Variants in TRMT9B observed in about 807,000 individuals in gnomAD.
The protein encoded by TRMT9B is probable tRNA methyltransferase 9B.
In TRMT9B, 16 loss-of-function variants were observed where a neutral mutation model predicts 11.5. The observed-to-expected ratio is 1.39, with a 90% CI of 0.94 to 2.11. The LOEUF (loss-of-function observed/expected upper bound fraction) is 2.11. Ranked by LOEUF, TRMT9B falls within the 30% of genes most tolerant of loss-of-function variation. TRMT9B has a pLI of 0.00. For synonymous variants in TRMT9B, 274 were observed against 192.4 expected (o/e 1.42, Z -3.51); for missense variants, 941 against 553.8 (o/e 1.70, Z -7.02).
chr8:12,985,194 G>T (rs955266751), intron 1 of TRMT9B, among the ~76,000 whole-genome samples: 2 of 152,116 alleles, frequency 1.3e-5, no homozygotes, highest in African/African-American at 4.8e-5. Context: ...CTTTCATCAT[G>T]TTTATCGGGG....
intron 1 of TRMT9B, among the ~76,000 whole-genome samples, chr8:12,954,949 A>C (rs1428981361): frequency 6.6e-6 from 1 of 152,198 alleles, no homozygotes; most frequent in African/African-American, 2.4e-5. Context: ...ACACCTCCCC[A>C]GGTGGCTGTG....
rs1277762257 is a variant in TRMT9B, at chr8:13,029,533, AG to A, written c.*7491del. On this transcript the variant is annotated 3_prime_UTR_variant, in exon 5 of 5. Transcript: ENST00000524591. ...CAGTGTATTTTTAAAAAGTGTTCCC[AG>A]GTGAACAAAAGTTTGCTTTTCTTCA... 6.0e-6 allele frequency: 1 copy of A among 166,894 alleles called. No individual in the cohort carries two copies. Among genetic ancestry groups the A allele is most frequent in the African/African-American group, 2.4e-5 (1 of 41,448 alleles). The allele number at this position is 166,894 out of a possible 1,614,324, so 10.3% of individuals were successfully genotyped here.
intron 2 of TRMT9B, among the ~76,000 whole-genome samples, chr8:13,003,071 G>A (rs1485683382): frequency 2.6e-5 from 4 of 152,026 alleles, no homozygotes; most frequent in Non-Finnish European, 1.5e-5. Flanking sequence ...CCTAAGTGCT[G>A]GGGACTCAGT....
At chr8:13,001,209 C>T (rs1360640066) in intron 2 of TRMT9B, among the ~76,000 whole-genome samples, 2 of 152,214 alleles carry the variant, frequency 1.3e-5, no homozygotes, top group Non-Finnish European at 2.9e-5. Flanking sequence ...CAACCAACCA[C>T]TTGTGGTCAT....
At position 12,955,417 on chromosome 8, in the gene TRMT9B, C is replaced by T. The variant is rs374654256; in HGVS notation, c.-200+9451C>T. The stretch of plus-strand genomic sequence containing the variant: ...TGTTTTTATTCTCTTTGCCTTTCCC[C>T]GTTCCCTCCTATCCTCCCTTCTTTT... On this transcript the variant is annotated intron_variant, in intron 1 of 4. Coordinates refer to ENST00000524591, the MANE Select transcript of TRMT9B (RefSeq NM_020844.3). Among the ~76,000 whole-genome samples the T allele has an allele frequency of 1.8e-4, 28 of 152,174 alleles. No homozygotes were observed. The East Asian group carries it at 2.1e-3, about 12-fold the overall frequency.
Position 13,022,594 on chromosome 8 carries a change from A to G in TRMT9B, c.*550A>G, listed in dbSNP as rs1226677781. On this transcript the variant is annotated 3_prime_UTR_variant, in exon 5 of 5. Coordinates refer to ENST00000524591, the MANE Select transcript of TRMT9B (RefSeq NM_020844.3). ...CAGAAAACTGAGTGACAGTGGAGAG[A>G]AACAAGAAGTTTTACAAGGACTTTA... The G allele has an allele frequency of 1.8e-5, 3 of 167,114 alleles. No individual in the cohort carries two copies. Among genetic ancestry groups the G allele is most frequent in the East Asian group, 3.8e-4 (2 of 5,198 alleles). 10.4% of individuals were successfully genotyped at this position (167,114 alleles called of 1,614,324 possible).
In TRMT9B at chr8:13,023,389, G is replaced by A. The variant is rs1434350073; in HGVS notation, c.*1345G>A. ...GTATCTGGGCATTTATTTTATTGAA[G>A]GTGACTACATTTTATTAGTTATATT... On this transcript the variant is annotated 3_prime_UTR_variant, in exon 5 of 5. Coordinates refer to ENST00000524591, the MANE Select transcript of TRMT9B (RefSeq NM_020844.3). 3 of 167,024 alleles carry A rather than the reference G, an allele frequency of 1.8e-5. No individual in the cohort carries two copies. The highest frequency in any genetic ancestry group is 7.2e-5 in the African/African-American group (3 of 41,434). 10.3% of individuals were successfully genotyped at this position (167,024 alleles called of 1,614,324 possible).
chr8:12,949,331 C>T (rs1027388274), intron 1 of TRMT9B, among the ~76,000 whole-genome samples: 12 of 152,084 alleles, frequency 7.9e-5, no homozygotes, highest in African/African-American at 2.7e-4. Context: ...TGTGTACACC[C>T]AGCATCAGCA....
intron 2 of TRMT9B, among the ~76,000 whole-genome samples, chr8:13,001,057 C>T (rs923316470): frequency 1.3e-5 from 2 of 151,736 alleles, no homozygotes; most frequent in Non-Finnish European, 2.9e-5. Flanking sequence ...CCTTTCCCCC[C>T]ACCATGTTAT....
chr8:12,959,562 C>T (rs943632452), intron 1 of TRMT9B, among the ~76,000 whole-genome samples: 1 of 119,712 alleles, frequency 8.4e-6, no homozygotes, highest in African/African-American at 3.2e-5. Flanking sequence ...CTCTGTTGCC[C>T]AGGCTGGAGT....
chr8:12,949,108 C>T (rs1215440484), intron 1 of TRMT9B, among the ~76,000 whole-genome samples: 2 of 152,066 alleles, frequency 1.3e-5, no homozygotes, highest in African/African-American at 4.8e-5. Flanking sequence ...TAATAACAAT[C>T]TTATGTGTGG....
chr8:13,000,163 A>G (rs1289909119), intron 2 of TRMT9B, among the ~76,000 whole-genome samples: 1 of 152,162 alleles, frequency 6.6e-6, no homozygotes, highest in Non-Finnish European at 1.5e-5. Flanking sequence ...GTGATAAGGG[A>G]TAGGGAACTT....
At chr8:12,981,578 C>T in intron 1 of TRMT9B, among the ~76,000 whole-genome samples, 1 of 151,810 alleles carries the variant, frequency 6.6e-6, no homozygotes. Context: ...TTTTTGCTTT[C>T]CTTTCTTTCT....
chr8:13,019,465 T>A (rs922127211), intron 4 of TRMT9B, among the ~76,000 whole-genome samples: 2 of 152,118 alleles, frequency 1.3e-5, no homozygotes, highest in African/African-American at 4.8e-5. Context: ...TTAATTTTTT[T>A]ATATTTTTTG....
At chr8:13,012,593 A>G in intron 3 of TRMT9B, 91 bp from the exon 4 acceptor site, 1 of 1,430,646 alleles carries the variant, frequency 7.0e-7, no homozygotes, top group East Asian at 2.4e-5. Context: ...TAAATAAATA[A>G]AAGGTTAATT....
chr8:12,957,658 C>T lies in TRMT9B; in HGVS notation c.-200+11692C>T, dbSNP rs139908573. Among the ~76,000 whole-genome samples, 626 of 152,182 alleles carry T rather than the reference C, an allele frequency of 4.1e-3. 2 individuals are homozygous for T. The highest frequency in any genetic ancestry group is 0.014 in the Middle Eastern group (4 of 294). On this transcript the variant is annotated intron_variant, in intron 1 of 4. Coordinates refer to ENST00000524591, the MANE Select transcript of TRMT9B (RefSeq NM_020844.3). ...AATACAGAAGCATAAATGGAGACTA[C>T]CTCAGCAAACCTAGGGGTGACCAGG...
At chr8:12,978,815 C>T (rs940428449) in intron 1 of TRMT9B, among the ~76,000 whole-genome samples, 3 of 152,174 alleles carry the variant, frequency 2.0e-5, no homozygotes, top group Non-Finnish European at 2.9e-5. Flanking sequence ...CAGGTTGGCA[C>T]GTGGAGTCCA....
intron 1 of TRMT9B, among the ~76,000 whole-genome samples, chr8:12,954,015 G>C (rs369405320): frequency 1.3e-5 from 2 of 152,094 alleles, no homozygotes; most frequent in Non-Finnish European, 2.9e-5. Flanking sequence ...GCCTTTTTGC[G>C]TGTATATCTT....
At chr8:12,971,982 C>T (rs900963443) in intron 1 of TRMT9B, among the ~76,000 whole-genome samples, 1 of 152,048 alleles carries the variant, frequency 6.6e-6, no homozygotes, top group African/African-American at 2.4e-5. Context: ...ATAACTCTAG[C>T]CAAATACTGA....
Sources: allele counts gnomAD v4.1 joint callset (sites outside exome capture counted in the v4.1 genomes callset), GRCh38; gene constraint gnomAD v4.1.1; transcripts MANE v1.5; gene names NCBI Gene and HGNC (gene_info 2026-07-23, HGNC 2026-07-21).